The following RAPGEF2 variants were observed in gnomAD, a reference collection of about 807,000 sequenced individuals.
RAPGEF2 encodes the protein Rap guanine nucleotide exchange factor 2, also known as PDZ domain containing guanine nucleotide exchange factor (GEF) 1.
In RAPGEF2, 54 loss-of-function variants were observed where a neutral mutation model predicts 186.7. The observed-to-expected ratio is 0.29, with a 90% confidence interval of 0.23 to 0.36. The LOEUF is 0.36. RAPGEF2 is among the 10% of genes least tolerant of loss of function. The probability of loss-of-function intolerance (pLI) is 1.00; values close to 1 mark genes in which losing one functional copy is unlikely to be tolerated. For synonymous variants in RAPGEF2, 712 were observed against 705.9 expected (o/e 1.01, Z -0.14); for missense variants, 1,532 against 2,045.0 (o/e 0.75, Z 4.84).
chr4:159,107,600 T>G (rs6830675), intron 1 of RAPGEF2, among the ~76,000 whole-genome samples: 152,138 of 152,224 alleles, frequency 1, 76,026 homozygotes, highest in Middle Eastern at 1. Flanking sequence ...TCTCCTCCTA[T>G]TTAATAATCT....
At chr4:159,257,520 G>C (rs1017849870) in intron 7 of RAPGEF2, among the ~76,000 whole-genome samples, 1 of 152,130 alleles carries the variant, frequency 6.6e-6, no homozygotes, top group African/African-American at 2.4e-5. Context: ...GGGAATTACG[G>C]GAGCTGTAAA....
At chr4:159,143,209 C>G (rs1400343010) in intron 1 of RAPGEF2, among the ~76,000 whole-genome samples, 1 of 152,038 alleles carries the variant, frequency 6.6e-6, no homozygotes, top group Non-Finnish European at 1.5e-5. Flanking sequence ...CTACTGCACT[C>G]CAGACTGGGC....
chr4:159,319,152 T>G (rs1764946493), intron 9 of RAPGEF2, among the ~76,000 whole-genome samples: 1 of 152,174 alleles, frequency 6.6e-6, no homozygotes, highest in South Asian at 2.1e-4. Flanking sequence ...TTGAGCCCCC[T>G]GTAGCAGGAG....
intron 1 of RAPGEF2, among the ~76,000 whole-genome samples, chr4:159,184,269 G>GC: frequency 6.6e-6 from 1 of 152,284 alleles, no homozygotes; most frequent in Admixed American, 6.5e-5. Context: ...TAATGGAGTG[G>GC]CTGGGTCAAA....
At chr4:159,201,900 G>A (rs969123208) in intron 3 of RAPGEF2, among the ~76,000 whole-genome samples, 1 of 152,056 alleles carries the variant, frequency 6.6e-6, no homozygotes, top group East Asian at 1.9e-4. Flanking sequence ...TGTTTTATAG[G>A]CATGTGATCA....
chr4:159,317,091 T>A (rs1242744290), intron 9 of RAPGEF2, among the ~76,000 whole-genome samples: 1 of 152,156 alleles, frequency 6.6e-6, no homozygotes. Context: ...GTGGAGTGGC[T>A]TGTTACATGA....
intron 1 of RAPGEF2, among the ~76,000 whole-genome samples, chr4:159,132,348 C>T (rs1741205043): frequency 6.6e-6 from 1 of 152,194 alleles, no homozygotes; most frequent in Non-Finnish European, 1.5e-5. Context: ...CTAAAATAAT[C>T]CATCCAGATC....
At chr4:159,304,576 T>TTTATAG in intron 8 of RAPGEF2, 103 bp downstream of exon 8, 3 of 1,083,438 alleles carry the variant, frequency 2.8e-6, no homozygotes, top group Non-Finnish European at 3.9e-6. Flanking sequence ...ATGTGTATAT[T>TTTATAG]ACATGTGCAT....
intron 7 of RAPGEF2, among the ~76,000 whole-genome samples, chr4:159,269,221 T>G (rs1451008932): frequency 1.3e-5 from 2 of 152,146 alleles, no homozygotes; most frequent in African/African-American, 4.8e-5. Flanking sequence ...TTGTTCATTG[T>G]TAGGAACAAA....
chr4:159,106,432 A>G (rs1406748854), intron 1 of RAPGEF2, among the ~76,000 whole-genome samples: 1 of 152,190 alleles, frequency 6.6e-6, no homozygotes, highest in African/African-American at 2.4e-5. Flanking sequence ...AAGTTTTTGT[A>G]GAAGGTACTT....
intron 9 of RAPGEF2, among the ~76,000 whole-genome samples, chr4:159,315,185 T>C (rs1283136075): frequency 2.0e-5 from 3 of 152,082 alleles, no homozygotes; most frequent in Non-Finnish European, 4.4e-5. Context: ...TCTACTCTGG[T>C]TTTGTGTGAA....
chr4:159,218,262 G>A (rs1751171073), intron 4 of RAPGEF2, among the ~76,000 whole-genome samples: 1 of 152,168 alleles, frequency 6.6e-6, no homozygotes, highest in Non-Finnish European at 1.5e-5. Context: ...CATGGTAGGA[G>A]GGTGGTGATT....
intron 1 of RAPGEF2, among the ~76,000 whole-genome samples, chr4:159,160,786 A>AT (rs1013814137): frequency 1.5e-4 from 22 of 151,166 alleles, no homozygotes; most frequent in African/African-American, 2.2e-4. Context: ...CCTGTACATC[A>AT]TTTTTTTTTC....
At position 159,324,186 on chromosome 4, in the gene RAPGEF2, C is replaced by T. The variant is rs1313971732; in HGVS notation, c.1149+569C>T. Among the ~76,000 whole-genome samples, 4 of 151,772 alleles carry T rather than the reference C, an allele frequency of 2.6e-5. No individual in the cohort carries two copies. The South Asian group carries it at 6.2e-4, about 24-fold the overall frequency. On this transcript the variant is annotated intron_variant, in intron 11 of 29. Transcript: ENST00000691494. Reference sequence around the variant, plus strand: ...CTGGGATTACAGGTGTGAGCCACTGCGCCTGGCCTTTTTGTATTTTTAGTA... The same window carrying T: ...CTGGGATTACAGGTGTGAGCCACTGTGCCTGGCCTTTTTGTATTTTTAGTA...
At chr4:159,267,851 A>G (rs1757613109) in intron 7 of RAPGEF2, 1 of 1,052,054 alleles carries the variant, frequency 9.5e-7, no homozygotes, top group Non-Finnish European at 1.1e-6. Flanking sequence ...CTCAGAAATG[A>G]TCTTGTTCTC....
intron 1 of RAPGEF2, among the ~76,000 whole-genome samples, chr4:159,164,361 G>A (rs927473260): frequency 3.3e-5 from 5 of 151,706 alleles, no homozygotes; most frequent in African/African-American, 1.2e-4. Flanking sequence ...GGAAGGAGAA[G>A]GGGAGAGAAT....
chr4:159,348,242 A>ATGGATGGATGGATGGATG (rs1730647108), intron 25 of RAPGEF2, among the ~76,000 whole-genome samples: 7 of 144,956 alleles, frequency 4.8e-5, no homozygotes, highest in African/African-American at 1.9e-4. Flanking sequence ...ATAGATAGAT[A>ATGGATGGATGGATGGATG]GATGGATGGA....
chr4:159,330,530 T>C, intron 13 of RAPGEF2, 32 bp downstream of exon 13: 1 of 1,504,472 alleles, frequency 6.6e-7, no homozygotes, highest in African/African-American at 1.4e-5. Flanking sequence ...GTCTCTTAAA[T>C]ATGAAATGTA....
intron 7 of RAPGEF2, among the ~76,000 whole-genome samples, chr4:159,290,147 A>G (rs1254978125): frequency 2.0e-5 from 3 of 152,336 alleles, no homozygotes; most frequent in African/African-American, 7.2e-5. Flanking sequence ...GTGGTAGTAC[A>G]GTGGCACCAC....
Sources: gnomAD v4.1 joint callset for allele counts (sites outside exome capture counted in the v4.1 genomes callset) on GRCh38, gnomAD v4.1.1 for gene constraint, MANE v1.5 for transcripts, NCBI Gene and HGNC (gene_info 2026-07-23, HGNC 2026-07-21) for gene names.